The following HHAT variants were observed in gnomAD, a reference collection of about 807,000 sequenced individuals.
HHAT encodes the protein hedgehog acyltransferase.
HHAT carries 47 observed loss-of-function variants against 70.8 expected under a neutral mutation model. The observed-to-expected ratio is 0.66, with a 90% confidence interval of 0.53 to 0.85. HHAT has a LOEUF of 0.85. HHAT is among the 40% of genes least tolerant of loss of function. The pLI is 0.00. For missense variants in HHAT, 609 were observed against 604.8 expected (o/e 1.01, Z -0.07); for synonymous variants, 228 against 247.6 (o/e 0.92, Z 0.74).
chr1:210,328,277 C>G (rs964429838), upstream of HHAT: 4 of 152,148 alleles, frequency 2.6e-5, no homozygotes, highest in Admixed American at 6.5e-5. Flanking sequence ...TGGAGGCCTC[C>G]GAGCAGCAAC....
chr1:210,654,866 T>C (rs923348036), intron 11 of HHAT, among the ~76,000 whole-genome samples: 2 of 152,190 alleles, frequency 1.3e-5, no homozygotes, highest in African/African-American at 4.8e-5. Context: ...GAGGGTACTA[T>C]CACAGTTCCT....
intron 4 of HHAT, 141 bp downstream of exon 4, chr1:210,387,722 T>A (rs2091189936): frequency 1.6e-6 from 1 of 632,242 alleles, no homozygotes. Flanking sequence ...ACAATCAATA[T>A]AACATTTAAG....
intron 3 of HHAT, 60 bp downstream of exon 3, chr1:210,362,979 A>C (rs958425825): frequency 9.8e-5 from 130 of 1,330,916 alleles, no homozygotes; most frequent in Middle Eastern, 5.4e-4. Flanking sequence ...ATTTCACATC[A>C]CATTTGTATT....
At chr1:210,580,373 T>C (rs992899560) in intron 9 of HHAT, among the ~76,000 whole-genome samples, 2 of 132,156 alleles carry the variant, frequency 1.5e-5, no homozygotes, top group African/African-American at 5.1e-5. Context: ...AACTTTTCTT[T>C]CTTTAAAAAA....
chr1:210,347,051 C>G (rs1028736996), intron 1 of HHAT, among the ~76,000 whole-genome samples: 2 of 152,310 alleles, frequency 1.3e-5, no homozygotes, highest in Admixed American at 1.3e-4. Context: ...AAGATCTACT[C>G]TTAGCACTTT....
intron 7 of HHAT, among the ~76,000 whole-genome samples, chr1:210,421,939 G>C (rs57153723): frequency 0.47 from 70,806 of 151,854 alleles, 16,567 homozygotes; most frequent in Admixed American, 0.54. Context: ...GCATAAAAGG[G>C]TTTATTTTAA....
At chr1:210,600,328 G>C (rs1362761104) in intron 10 of HHAT, among the ~76,000 whole-genome samples, 1 of 152,158 alleles carries the variant, frequency 6.6e-6, no homozygotes, top group African/African-American at 2.4e-5. Flanking sequence ...GGGAGTTTAA[G>C]ATGAAATAGA....
chr1:210,542,636 A>C (rs1469284901), intron 9 of HHAT, among the ~76,000 whole-genome samples: 2 of 151,706 alleles, frequency 1.3e-5, no homozygotes, highest in Non-Finnish European at 2.9e-5. Flanking sequence ...CATCTCTATA[A>C]AATAAAATAA....
intron 3 of HHAT, among the ~76,000 whole-genome samples, chr1:210,364,200 G>A (rs541522850): frequency 2.0e-5 from 3 of 152,256 alleles, no homozygotes; most frequent in Non-Finnish European, 1.5e-5. Flanking sequence ...TTCATCCATG[G>A]CATCCATTTC....
intron 10 of HHAT, among the ~76,000 whole-genome samples, chr1:210,602,233 C>T (rs1326815176): frequency 2.0e-5 from 3 of 151,982 alleles, no homozygotes; most frequent in Non-Finnish European, 2.9e-5. Context: ...CCACTAGGGG[C>T]TTATGATCCA....
intron 6 of HHAT, among the ~76,000 whole-genome samples, chr1:210,405,736 A>C (rs749192300): frequency 1.3e-5 from 2 of 152,238 alleles, no homozygotes; most frequent in Non-Finnish European, 2.9e-5. Context: ...TAAAATTTCC[A>C]GTGAAAGTAT....
chr1:210,601,004 C>G (rs188161522), intron 10 of HHAT, among the ~76,000 whole-genome samples: 1 of 152,084 alleles, frequency 6.6e-6, no homozygotes, highest in Admixed American at 6.5e-5. Context: ...AGTAAAATTT[C>G]TATTTATACA....
At chr1:210,635,894 A>G (rs577610447) in intron 11 of HHAT, among the ~76,000 whole-genome samples, 77 of 151,644 alleles carry the variant, frequency 5.1e-4, no homozygotes, top group African/African-American at 1.7e-3. Context: ...ACCTGAATGA[A>G]TACTTTTTCC....
intron 8 of HHAT, among the ~76,000 whole-genome samples, chr1:210,511,824 C>T (rs1302194228): frequency 7.9e-6 from 1 of 126,390 alleles, no homozygotes; most frequent in Non-Finnish European, 1.6e-5. Context: ...GAGTCTCACT[C>T]TGTCGCCCAG....
chr1:210,667,075 T>C (rs1679055972), intron 11 of HHAT, among the ~76,000 whole-genome samples: 1 of 107,936 alleles, frequency 9.3e-6, no homozygotes. Flanking sequence ...GCAAAACATC[T>C]CAAAAAAAAA....
intron 9 of HHAT, among the ~76,000 whole-genome samples, chr1:210,579,732 T>G (rs1267361259): frequency 6.6e-6 from 1 of 152,166 alleles, no homozygotes. Context: ...CTCTTTCTTG[T>G]CCCATACTTC....
At chr1:210,383,431 G>A (rs146371601) in intron 3 of HHAT, among the ~76,000 whole-genome samples, 1 of 152,288 alleles carries the variant, frequency 6.6e-6, no homozygotes, top group Non-Finnish European at 1.5e-5. Context: ...AGTAAAATAT[G>A]GAGACAGTAA....
In HHAT at chr1:210,441,533, C is replaced by T. The variant is rs2093508027; in HGVS notation, c.857-22972C>T. Among the ~76,000 whole-genome samples the T allele has an allele frequency of 2.6e-5, 4 of 152,106 alleles. 1 individual carries two copies. In the South Asian group the frequency reaches 6.2e-4, roughly 24 times the overall value. On this transcript the variant is annotated intron_variant, in intron 7 of 11. Coordinates refer to ENST00000261458, the MANE Select transcript of HHAT (RefSeq NM_018194.6). ...ATATGATAATTTTTCAAATTATTTG[C>T]ATTTTAATGTCAGTGAAAGTCAAGC...
At chr1:210,535,431 TTGTGTG>T (rs144319730) in intron 9 of HHAT, among the ~76,000 whole-genome samples, 3 of 149,764 alleles carry the variant, frequency 2.0e-5, no homozygotes, top group Admixed American at 6.7e-5. Flanking sequence ...CATTGTGTGT[TTGTGTG>T]TGTGTGTGTG....
Sources: allele counts gnomAD v4.1 joint callset (sites outside exome capture counted in the v4.1 genomes callset), GRCh38; gene constraint gnomAD v4.1.1; transcripts MANE v1.5; gene names NCBI Gene and HGNC (gene_info 2026-07-23, HGNC 2026-07-21).